ZSWIM5: variants seen among roughly 807,000 people sequenced by gnomAD.
ZSWIM5 encodes zinc finger SWIM domain-containing protein 5.
ZSWIM5 carries 55 observed loss-of-function variants against 119.6 expected under a neutral mutation model. That is an observed-to-expected ratio of 0.46 (90% CI 0.37 to 0.58). The LOEUF (loss-of-function observed/expected upper bound fraction) is 0.58. Among genes scored for constraint, ZSWIM5 ranks in the 20% least tolerant of loss-of-function variants. The probability of loss-of-function intolerance (pLI) is 0.00; values close to 1 mark genes in which losing one functional copy is unlikely to be tolerated. For missense variants in ZSWIM5, 1,193 were observed against 1,512.8 expected (o/e 0.79, Z 3.51); for synonymous variants, 537 against 606.9 (o/e 0.88, Z 1.69).
intron 1 of ZSWIM5, among the ~76,000 whole-genome samples, chr1:45,182,144 C>A (rs1466158087): frequency 5.9e-5 from 9 of 152,242 alleles, no homozygotes; most frequent in Admixed American, 4.6e-4. Flanking sequence ...GGGCCGGGCG[C>A]GGTGGCTCAC....
intron 2 of ZSWIM5, among the ~76,000 whole-genome samples, chr1:45,077,273 TTTC>T (rs926770348): frequency 6.6e-6 from 1 of 152,180 alleles, no homozygotes; most frequent in African/African-American, 2.4e-5. Flanking sequence ...CGTAGGTTCT[TTTC>T]TATTTTCCTA....
At chr1:45,183,776 G>A (rs566224880) in intron 1 of ZSWIM5, among the ~76,000 whole-genome samples, 10 of 152,184 alleles carry the variant, frequency 6.6e-5, no homozygotes, top group African/African-American at 1.9e-4. Flanking sequence ...CAACCAAAAA[G>A]AGTCCAGGAC....
chr1:45,095,939 C>T (rs562331440), intron 1 of ZSWIM5, among the ~76,000 whole-genome samples: 9 of 152,226 alleles, frequency 5.9e-5, no homozygotes, highest in Admixed American at 5.9e-4. Flanking sequence ...CTGGTAGGCT[C>T]TTAACAAAAA....
intron 1 of ZSWIM5, among the ~76,000 whole-genome samples, chr1:45,138,191 T>C (rs1360648459): frequency 1.3e-5 from 2 of 151,780 alleles, no homozygotes; most frequent in African/African-American, 4.8e-5. Flanking sequence ...AAATACAGTA[T>C]TGATGAAAAT....
intron 11 of ZSWIM5, among the ~76,000 whole-genome samples, chr1:45,030,798 C>CTTTT (rs56045429): frequency 1.1e-4 from 15 of 133,080 alleles, no homozygotes; most frequent in African/African-American, 1.7e-4. Flanking sequence ...TTCATTCTTT[C>CTTTT]TTTTTTTTTT....
intron 1 of ZSWIM5, among the ~76,000 whole-genome samples, chr1:45,189,143 T>C (rs972665207): frequency 6.6e-6 from 1 of 152,058 alleles, no homozygotes; most frequent in African/African-American, 2.4e-5. Flanking sequence ...GGAAAAACTC[T>C]GTCTCTACTA....
In ZSWIM5 at chr1:45,087,862, A is replaced by G. The variant is rs545022476; in HGVS notation, c.952+19T>C. 8.7e-4 allele frequency: 1,354 copies of G among 1,554,104 alleles called. 26 individuals carry two copies. The South Asian group carries it at 0.016, about 18-fold the overall frequency. On this transcript the variant is annotated intron_variant, in intron 2 of 13. Transcript: ENST00000359600. ...GATGAAAAAGACCTTTTTTTTCAAT[A>G]AAAAAGTTGTACAATTACCATTCAC... is the stretch of plus-strand genomic sequence containing the variant.
chr1:45,052,130 C>G (rs1024991208), intron 4 of ZSWIM5, among the ~76,000 whole-genome samples: 2 of 151,564 alleles, frequency 1.3e-5, no homozygotes, highest in African/African-American at 2.4e-5. Flanking sequence ...AGCGCCCCCC[C>G]TCGCACCCCA....
intron 2 of ZSWIM5, among the ~76,000 whole-genome samples, chr1:45,081,727 C>T (rs1460201050): frequency 2.3e-4 from 35 of 152,090 alleles, no homozygotes; most frequent in African/African-American, 6.0e-4. Context: ...TCTGCCCGGC[C>T]GCCACCCCGT....
chr1:45,036,972 A>G (rs1288201009), intron 8 of ZSWIM5, among the ~76,000 whole-genome samples: 1 of 144,290 alleles, frequency 6.9e-6, no homozygotes, highest in Non-Finnish European at 1.5e-5. Flanking sequence ...ATAATTTTTA[A>G]TTTTTTTTTG....
chr1:45,077,750 C>T (rs1057425541), intron 2 of ZSWIM5, among the ~76,000 whole-genome samples: 9 of 152,052 alleles, frequency 5.9e-5, no homozygotes, highest in Non-Finnish European at 1.2e-4. Flanking sequence ...AGGTACGCCC[C>T]GGGGGGGCCA....
rs1645012327 is a variant in ZSWIM5 at position 45,040,433 on chromosome 1, T to C, written c.1715A>G (p.Gln572Arg). 6.2e-7 allele frequency: 1 copy of C among 1,611,380 alleles called. No individual in the cohort carries two copies. Among genetic ancestry groups the C allele is most frequent in the Non-Finnish European group, 8.5e-7 (1 of 1,178,886 alleles). ...TVAIINTLRL[Q>R]QQRQLEIYKH... ...GTAGATTTCCAGTTGCCGCTGCTGC[T>C]GCAACCTCAGAGTATTAATAATGGC... is the stretch of plus-strand genomic sequence containing the variant. The change falls in exon 7 of 14, where the codon CAG becomes CGG. Residue 572 changes from glutamine (Q) to arginine (R), a missense_variant. By Grantham distance (43) the Gln-to-Arg change is conservative (BLOSUM62 1). Coordinates refer to ENST00000359600, the MANE Select transcript of ZSWIM5 (RefSeq NM_020883.2).
chr1:45,174,913 A>AT (rs1166642141), intron 1 of ZSWIM5, among the ~76,000 whole-genome samples: 2 of 152,050 alleles, frequency 1.3e-5, no homozygotes, highest in Non-Finnish European at 2.9e-5. Flanking sequence ...TCCTTCAAAG[A>AT]TATTCTCCTA....
chr1:45,190,028 C>T (rs1405681509), intron 1 of ZSWIM5, among the ~76,000 whole-genome samples: 2 of 151,986 alleles, frequency 1.3e-5, no homozygotes, highest in South Asian at 2.1e-4. Flanking sequence ...TTCTGTAAAA[C>T]AGTTGCTGGG....
Position 45,086,631 on chromosome 1 carries a change from C to T in ZSWIM5, c.952+1250G>A, listed in dbSNP as rs116141447. Among the ~76,000 whole-genome samples the T allele has an allele frequency of 2.2e-3, 339 of 152,014 alleles. 1 individual carries two copies. Among genetic ancestry groups the T allele is most frequent in the African/African-American group, 7.9e-3 (328 of 41,470 alleles). ...GGGAACATCACACCCCGGGGGCTGTCGCGGGGTGGAGGGCAGGGGAAGGAT... is the reference window on the plus strand; with the variant it reads ...GGGAACATCACACCCCGGGGGCTGTTGCGGGGTGGAGGGCAGGGGAAGGAT... On this transcript the variant is annotated intron_variant, in intron 2 of 13. Transcript: ENST00000359600.
At chr1:45,051,571 A>T (rs1645088617) in intron 4 of ZSWIM5, among the ~76,000 whole-genome samples, 1 of 152,152 alleles carries the variant, frequency 6.6e-6, no homozygotes, top group African/African-American at 2.4e-5. Context: ...CTGGTGAATA[A>T]AGCAGACACT....
intron 1 of ZSWIM5, among the ~76,000 whole-genome samples, chr1:45,194,440 T>C (rs571186060): frequency 6.6e-6 from 1 of 152,260 alleles, no homozygotes; most frequent in East Asian, 1.9e-4. Context: ...AAGCCAGAAA[T>C]CTGTAAAGTT....
intron 1 of ZSWIM5, among the ~76,000 whole-genome samples, chr1:45,102,444 T>C (rs1165769028): frequency 6.6e-6 from 1 of 152,236 alleles, no homozygotes; most frequent in Non-Finnish European, 1.5e-5. Flanking sequence ...AAGTGCTTCT[T>C]CCTAAGCACT....
rs561253795 is a variant in ZSWIM5, at chr1:45,206,382, G to T, written c.-32C>A. On this transcript the variant is annotated 5_prime_UTR_variant, in exon 1 of 14. Coordinates refer to ENST00000359600, the MANE Select transcript of ZSWIM5 (RefSeq NM_020883.2). The stretch of plus-strand genomic sequence containing the variant: ...GGACTGACTGACTGACTGAGGCGGC[G>T]GCGGCTGCTCGGGCTGCGGCGGAGA... 16 of 1,357,434 alleles carry T rather than the reference G, an allele frequency of 1.2e-5. No homozygotes were observed. The African/African-American group carries it at 2.3e-4, about 19-fold the overall frequency. 84.1% of individuals were successfully genotyped at this position (1,357,434 alleles called of 1,614,324 possible). A position where few individuals can be genotyped will look rare whatever the true frequency, so the allele number is the denominator to read the frequency against.
Sources: allele counts gnomAD v4.1 joint callset (sites outside exome capture counted in the v4.1 genomes callset), GRCh38; gene constraint gnomAD v4.1.1; transcripts MANE v1.5; gene names NCBI Gene and HGNC (gene_info 2026-07-23, HGNC 2026-07-21).